The following PDE4D variants were observed in gnomAD, a reference collection of about 807,000 sequenced individuals.
The protein encoded by PDE4D is 3',5'-cyclic-AMP phosphodiesterase 4D.
PDE4D carries 24 observed loss-of-function variants against 87.4 expected under a neutral mutation model. That is an observed-to-expected ratio of 0.27 (90% confidence interval 0.20 to 0.39). The LOEUF (loss-of-function observed/expected upper bound fraction) is 0.39. Among genes scored for constraint, PDE4D ranks in the 10% least tolerant of loss-of-function variants. The probability of loss-of-function intolerance (pLI) is 1.00; values close to 1 mark genes in which losing one functional copy is unlikely to be tolerated. For synonymous variants in PDE4D, 384 were observed against 383.2 expected (o/e 1.00, Z -0.02); for missense variants, 714 against 1,041.0 (o/e 0.69, Z 4.32).
At chr5:59,440,886 T>C (rs1366754051) in intron 1 of PDE4D, among the ~76,000 whole-genome samples, 4 of 152,184 alleles carry the variant, frequency 2.6e-5, no homozygotes, top group African/African-American at 9.7e-5. Context: ...GAAAAACAAA[T>C]ATCTGGTTCT....
At chr5:59,958,871 G>T (rs753661965) in intron 3 of PDE4D, among the ~76,000 whole-genome samples, 3 of 151,994 alleles carry the variant, frequency 2.0e-5, no homozygotes, top group Non-Finnish European at 4.4e-5. Context: ...AGAAATGAAG[G>T]CACCCAAATA....
At chr5:59,125,148 G>A (rs1197788993) in intron 5 of PDE4D, 11 of 284,050 alleles carry the variant, frequency 3.9e-5, no homozygotes, top group Middle Eastern at 1.7e-3. Context: ...TTGCATTACA[G>A]CAGTTAGAAG....
intron 1 of PDE4D, among the ~76,000 whole-genome samples, chr5:59,646,374 T>C (rs1465214563): frequency 6.6e-6 from 1 of 152,210 alleles, no homozygotes; most frequent in East Asian, 1.9e-4. Flanking sequence ...GAACTGCAAA[T>C]TGTGATATTC....
intron 1 of PDE4D, among the ~76,000 whole-genome samples, chr5:59,666,581 T>C (rs963006021): frequency 3.9e-5 from 6 of 152,224 alleles, no homozygotes; most frequent in African/African-American, 7.2e-5. Flanking sequence ...GGAGAAGCCA[T>C]ACAGTTCCGT....
chr5:60,032,375 C>A (rs1016088768), intron 2 of PDE4D, among the ~76,000 whole-genome samples: 2 of 152,120 alleles, frequency 1.3e-5, no homozygotes, highest in Non-Finnish European at 2.9e-5. Flanking sequence ...TTCTCTATTG[C>A]GTTCTTATTT....
At chr5:59,682,027 C>A (rs1749110577) in intron 1 of PDE4D, among the ~76,000 whole-genome samples, 1 of 151,880 alleles carries the variant, frequency 6.6e-6, no homozygotes, top group Non-Finnish European at 1.5e-5. Context: ...TGATCCTGAA[C>A]TTCTCAGCCT....
At chr5:60,346,056 C>G (rs1758724134) in intron 1 of PDE4D, among the ~76,000 whole-genome samples, 1 of 152,080 alleles carries the variant, frequency 6.6e-6, no homozygotes, top group African/African-American at 2.4e-5. Context: ...TTAAATTTAT[C>G]ACTACTGTTT....
intron 3 of PDE4D, among the ~76,000 whole-genome samples, chr5:59,913,484 T>C (rs1753668852): frequency 6.6e-6 from 1 of 152,198 alleles, no homozygotes; most frequent in African/African-American, 2.4e-5. Flanking sequence ...AAAAGGAAGA[T>C]ATACAAAATT....
intron 1 of PDE4D, among the ~76,000 whole-genome samples, chr5:59,415,651 T>C (rs1198142135): frequency 6.6e-6 from 1 of 152,280 alleles, no homozygotes; most frequent in East Asian, 1.9e-4. Flanking sequence ...TCCAGTATAA[T>C]TGAGGACAAT....
At chr5:59,229,009 GAACA>G (rs976824359) in intron 1 of PDE4D, among the ~76,000 whole-genome samples, 23 of 142,002 alleles carry the variant, frequency 1.6e-4, no homozygotes, top group Non-Finnish European at 2.8e-4. Context: ...TTTTTTTTTT[GAACA>G]AACAAACAAA....
intron 1 of PDE4D, among the ~76,000 whole-genome samples, chr5:60,281,150 G>C (rs1751858513): frequency 6.7e-6 from 1 of 150,252 alleles, no homozygotes; most frequent in South Asian, 2.2e-4. Context: ...AGCAGACTTC[G>C]CTGTTAGATA....
At chr5:60,035,046 A>G (rs2152862690) in intron 2 of PDE4D, among the ~76,000 whole-genome samples, 1 of 152,316 alleles carries the variant, frequency 6.6e-6, no homozygotes, top group South Asian at 2.1e-4. Flanking sequence ...ACCTGAAGTC[A>G]GGAGTTCGAG....
At chr5:60,365,503 C>G (rs531688522) in intron 1 of PDE4D, among the ~76,000 whole-genome samples, 1 of 152,246 alleles carries the variant, frequency 6.6e-6, no homozygotes, top group African/African-American at 2.4e-5. Context: ...ATTTACAACA[C>G]CTGCCCAACC....
intron 1 of PDE4D, among the ~76,000 whole-genome samples, chr5:59,745,382 C>T (rs924468158): frequency 8.5e-5 from 13 of 152,092 alleles, no homozygotes; most frequent in African/African-American, 2.4e-4. Context: ...TTCAAATTGA[C>T]GCTATGCCTC....
chr5:60,120,660 G>A (rs889501270), intron 2 of PDE4D, among the ~76,000 whole-genome samples: 1 of 152,106 alleles, frequency 6.6e-6, no homozygotes, highest in African/African-American at 2.4e-5. Context: ...AGAGAGTATT[G>A]CAGCCCTGCT....
At chr5:60,360,035 C>T (rs1759928357) in intron 1 of PDE4D, among the ~76,000 whole-genome samples, 1 of 152,126 alleles carries the variant, frequency 6.6e-6, no homozygotes, top group African/African-American at 2.4e-5. Flanking sequence ...CCGCCAATAC[C>T]CTACAAAGTG....
intron 1 of PDE4D, among the ~76,000 whole-genome samples, chr5:59,438,544 G>T: frequency 6.6e-6 from 1 of 152,138 alleles, no homozygotes; most frequent in Admixed American, 6.5e-5. Context: ...TTACTCTTCA[G>T]TTTGTCTGAA....
chr5:60,454,182 A>G (rs369326465), intron 1 of PDE4D, among the ~76,000 whole-genome samples: 3 of 152,122 alleles, frequency 2.0e-5, no homozygotes, highest in South Asian at 2.1e-4. Context: ...CGGACTTCAC[A>G]CTTAGATGTC....
chr5:59,644,306 A>G (rs1742101622), intron 1 of PDE4D, among the ~76,000 whole-genome samples: 1 of 152,176 alleles, frequency 6.6e-6, no homozygotes, highest in Non-Finnish European at 1.5e-5. Context: ...GGTCTGAGTA[A>G]TGGATTATTG....
Sources: gnomAD v4.1 joint callset for allele counts (sites outside exome capture counted in the v4.1 genomes callset) on GRCh38, gnomAD v4.1.1 for gene constraint, MANE v1.5 for transcripts, NCBI Gene and HGNC (gene_info 2026-07-23, HGNC 2026-07-21) for gene names.